Variants in CD55 observed in about 807,000 individuals in gnomAD.
CD55 encodes the protein complement decay-accelerating factor.
In CD55, 41 loss-of-function variants were observed where a neutral mutation model predicts 45.8. The observed-to-expected ratio is 0.90, with a 90% CI of 0.70 to 1.16. CD55 has a LOEUF of 1.16. CD55 is among the 50% of genes most tolerant of loss of function. CD55 has a pLI of 0.00. For synonymous variants in CD55, 181 were observed against 181.1 expected (o/e 1.00, Z 0.01); for missense variants, 416 against 469.8 (o/e 0.89, Z 1.06).
rs926043631 is a variant in CD55 at position 207,356,401 on chromosome 1, G to T, written c.1082-3145G>T. ...GTTTTTTCTCAATATATTCAAAGGCGCATTTCAAAGCAAAGTGACTTGAAG... is the reference window on the plus strand; with the variant it reads ...GTTTTTTCTCAATATATTCAAAGGCTCATTTCAAAGCAAAGTGACTTGAAG... On this transcript the variant is annotated intron_variant, in intron 9 of 9. Transcript: ENST00000367064. Among the ~76,000 whole-genome samples, 3 of 151,918 alleles carry T rather than the reference G, an allele frequency of 2.0e-5. No homozygotes were observed. The South Asian group carries it at 6.2e-4, about 32-fold the overall frequency.
At chr1:207,359,516 C>CTTTTTTTTTTTTT (rs56236833) in intron 9 of CD55, 30 bp from the exon 10 acceptor site, 9 of 1,284,876 alleles carry the variant, frequency 7.0e-6, no homozygotes, top group South Asian at 1.6e-5. Flanking sequence ...TTGATTTTAA[C>CTTTTTTTTTTTTT]TTTTTTTTTT....
At position 207,322,386 on chromosome 1, in the gene CD55, CTG is replaced by C. The variant is rs867810442; in HGVS notation, c.108_109del (p.Cys36TrpfsTer8). 2 of 1,613,764 alleles carry C rather than the reference CTG, an allele frequency of 1.2e-6. No individual in the cohort carries two copies. The highest frequency in any genetic ancestry group is 1.3e-5 in the African/African-American group (1 of 74,944). Reference protein sequence around the residue: ...LLCLPAVWGDCGLPPDVPNAQ... With the variant: ...LLCLPAVWGDXGLPPDVPNAQ... ...GTTCTGCTTTTGTCTCCCTAGGTGA[CTG>C]TGGCCTTCCCCCAGATGTACCTAAT... On this transcript the variant is annotated frameshift_variant, in exon 2 of 10. Transcript: ENST00000367064. LOFTEE classifies it high-confidence loss of function.
intron 6 of CD55, among the ~76,000 whole-genome samples, chr1:207,333,916 A>C: frequency 6.6e-6 from 1 of 152,146 alleles, no homozygotes; most frequent in African/African-American, 2.4e-5. Flanking sequence ...CACATTAGGA[A>C]AAAGAGAAAG....
chr1:207,354,441 A>G (rs1056752260), intron 9 of CD55, among the ~76,000 whole-genome samples: 2 of 152,210 alleles, frequency 1.3e-5, no homozygotes, highest in East Asian at 1.9e-4. Flanking sequence ...CTGCTTTGCA[A>G]TGTTTTCAAC....
chr1:207,328,115 C>A (rs1419507176), intron 5 of CD55, among the ~76,000 whole-genome samples: 1 of 152,170 alleles, frequency 6.6e-6, no homozygotes. Flanking sequence ...GAAATGCAAA[C>A]CCACTTTATC....
At chr1:207,355,619 A>G (rs974472917) in intron 9 of CD55, among the ~76,000 whole-genome samples, 12 of 152,194 alleles carry the variant, frequency 7.9e-5, no homozygotes, top group Non-Finnish European at 1.6e-4. Flanking sequence ...CTCAGATGAT[A>G]ATAGTACAGG....
chr1:207,353,852 G>A (rs1225071318), intron 9 of CD55, among the ~76,000 whole-genome samples: 1 of 152,210 alleles, frequency 6.6e-6, no homozygotes, highest in Admixed American at 6.5e-5. Context: ...CAAGCATACT[G>A]TTTTTCAAAT....
Position 207,331,254 on chromosome 1 carries a change from A to T in CD55, c.811A>T (p.Asn271Tyr). ...GCACTCTATTTATTGTACTGTGAAT[A>T]ATGATGAAGGAGAGTGGAGTGGCCC... ...GEHSIYCTVN[N>Y]DEGEWSGPPP... Residue 271 changes from asparagine (N) to tyrosine (Y), a missense_variant, in exon 6 of 10, where the codon AAT becomes TAT. This residue lies in a region of CD55 where 182 missense variants were observed against 201.4 expected (regional missense o/e 0.90). Transcript: ENST00000367064. The T allele has an allele frequency of 6.2e-7, 1 of 1,613,898 alleles. No individual in the cohort carries two copies. The highest frequency in any genetic ancestry group is 1.1e-5 in the South Asian group (1 of 91,076).
chr1:207,326,335 T>A (rs779158303), intron 4 of CD55, among the ~76,000 whole-genome samples: 2 of 152,220 alleles, frequency 1.3e-5, no homozygotes, highest in Non-Finnish European at 2.9e-5. Flanking sequence ...ATCACTTGTC[T>A]CCTATACGAA....
Position 207,359,575 on chromosome 1 carries a change from C to A in CD55, c.1111C>A (p.Leu371Ile). ...GHTCFTLTGL[L>I]GTLVTMGLLT The stretch of plus-strand genomic sequence containing the variant: ...CACGTGTTTCACGTTGACAGGTTTG[C>A]TTGGGACGCTAGTAACCATGGGCTT... The change falls in exon 10 of 10, where the codon CTT (leucine) becomes ATT (isoleucine). Residue 371 changes from leucine to isoleucine, a missense_variant. Physicochemically the swap from Leu to Ile is conservative, Grantham distance 5. Transcript: ENST00000367064. 1 of 1,526,638 alleles carries A rather than the reference C, an allele frequency of 6.6e-7. No homozygotes were observed. The allele number at this position is 1,526,638 out of a possible 1,614,324, so 94.6% of individuals were successfully genotyped here.
intron 1 of CD55, 171 bp from the exon 2 acceptor site, chr1:207,322,211 G>A: frequency 1.4e-6 from 1 of 730,500 alleles, no homozygotes; most frequent in Non-Finnish European, 2.5e-6. Flanking sequence ...AGGCCAGACC[G>A]CTGACCGTTC....
intron 9 of CD55, among the ~76,000 whole-genome samples, chr1:207,345,938 G>T (rs773597813): frequency 6.6e-6 from 1 of 152,228 alleles, no homozygotes; most frequent in Non-Finnish European, 1.5e-5. Context: ...GCCAATGTTC[G>T]GACCCAAGTG....
chr1:207,344,027 C>G (rs188374909), intron 9 of CD55, among the ~76,000 whole-genome samples: 6 of 152,176 alleles, frequency 3.9e-5, no homozygotes, highest in Non-Finnish European at 8.8e-5. Flanking sequence ...CTTTTTCCAT[C>G]TCTTTACTTT....
At chr1:207,339,353 A>T (rs377141848) in intron 8 of CD55, 44 bp from the exon 9 acceptor site, 2 of 1,546,090 alleles carry the variant, frequency 1.3e-6, no homozygotes, top group Non-Finnish European at 1.8e-6. Flanking sequence ...CAATGACTTT[A>T]ACAAATTTTT....
chr1:207,323,254 G>T (rs28371593), intron 2 of CD55, among the ~76,000 whole-genome samples: 4,130 of 149,496 alleles, frequency 0.028, 209 homozygotes, highest in African/African-American at 0.095. Flanking sequence ...TATAGGGAGA[G>T]ATATATATAT....
In CD55 at chr1:207,331,248, G is replaced by C; in HGVS notation, c.805G>C (p.Val269Leu). Residue 269 changes from valine to leucine, a missense_variant, in exon 6 of 10, where the codon GTG becomes CTG. By Grantham distance (32) the Val-to-Leu change is conservative. Around this residue, in one of 3 missense-constraint regions of CD55, gnomAD observed 182 missense variants for 201.4 expected, o/e 0.90. Coordinates refer to ENST00000367064, the MANE Select transcript of CD55 (RefSeq NM_000574.5). ...TGGAGAGCACTCTATTTATTGTACT[G>C]TGAATAATGATGAAGGAGAGTGGAG... ...MIGEHSIYCT[V>L]NNDEGEWSGP... 6.2e-7 allele frequency: 1 copy of C among 1,613,862 alleles called. No homozygotes were observed. Among genetic ancestry groups the C allele is most frequent in the Non-Finnish European group, 8.5e-7 (1 of 1,179,792 alleles).
chr1:207,321,742 G>A lies in CD55; in HGVS notation c.-24G>A. ...CGACTCGGCGGAGTCCCGGCGGCGCGTCCTTGTTCTAACCCGGCGCGCCAT... is the reference window on the plus strand; with the variant it reads ...CGACTCGGCGGAGTCCCGGCGGCGCATCCTTGTTCTAACCCGGCGCGCCAT... On this transcript the variant is annotated 5_prime_UTR_variant, in exon 1 of 10. Coordinates refer to ENST00000367064, the MANE Select transcript of CD55 (RefSeq NM_000574.5). 3 of 1,484,854 alleles carry A rather than the reference G, an allele frequency of 2.0e-6. No homozygotes were observed. Among genetic ancestry groups the A allele is most frequent in the South Asian group, 1.3e-5 (1 of 78,370 alleles). 92.0% of individuals were successfully genotyped at this position (1,484,854 alleles called of 1,614,324 possible). A position where few individuals can be genotyped will look rare whatever the true frequency, so the allele number is the denominator to read the frequency against.
chr1:207,354,057 A>G (rs1044056821), intron 9 of CD55: 1 of 1,535,604 alleles, frequency 6.5e-7, no homozygotes. Flanking sequence ...CATTTCTTCA[A>G]AAAAGATGAT....
intron 9 of CD55, 30 bp from the exon 10 acceptor site, chr1:207,359,516 C>CTTTTTTTTTTTTTTTTTTT: frequency 8.9e-7 from 1 of 1,123,254 alleles, no homozygotes; most frequent in Non-Finnish European, 1.2e-6. Context: ...TTGATTTTAA[C>CTTTTTTTTTTTTTTTTTTT]TTTTTTTTTT....
Sources: gnomAD v4.1 joint callset for allele counts (sites outside exome capture counted in the v4.1 genomes callset) on GRCh38, gnomAD v4.1.1 for gene constraint, gnomAD v4.1.1 regional missense constraint, MANE v1.5 for transcripts, NCBI Gene and HGNC (gene_info 2026-07-23, HGNC 2026-07-21) for gene names.